The following GBP7 variants were observed in gnomAD, a reference collection of about 807,000 sequenced individuals.
The protein encoded by GBP7 is guanylate-binding protein 7.
In GBP7, 43 loss-of-function variants were observed where a neutral mutation model predicts 61.3. The ratio of observed to expected loss-of-function variants is 0.70; its 90% CI spans 0.55 to 0.91. The LOEUF (loss-of-function observed/expected upper bound fraction) is 0.91. Among genes scored for constraint, GBP7 ranks in the 40% least tolerant of loss-of-function variants. The probability of loss-of-function intolerance (pLI) is 0.00; values close to 1 mark genes in which losing one functional copy is unlikely to be tolerated. For missense variants in GBP7, 717 were observed against 740.5 expected (o/e 0.97, Z 0.37); for synonymous variants, 267 against 271.0 (o/e 0.99, Z 0.14).
chr1:89,135,056 CAG>C (rs1287710945), intron 9 of GBP7, among the ~76,000 whole-genome samples: 3 of 152,038 alleles, frequency 2.0e-5, no homozygotes, highest in African/African-American at 7.2e-5. Flanking sequence ...ATAATACAAT[CAG>C]AGTATTAAAT....
At chr1:89,140,841 A>G (rs1157723077) in intron 9 of GBP7, among the ~76,000 whole-genome samples, 1 of 152,220 alleles carries the variant, frequency 6.6e-6, no homozygotes, top group East Asian at 1.9e-4. Flanking sequence ...AATGTTGTAC[A>G]TATATGCCTT....
At chr1:89,173,396 A>G (rs2100664453) in intron 1 of GBP7, among the ~76,000 whole-genome samples, 1 of 152,304 alleles carries the variant, frequency 6.6e-6, no homozygotes, top group Middle Eastern at 3.4e-3. Context: ...GAGCTTATTC[A>G]AGCTTTTGAC....
At chr1:89,153,962 A>G (rs555123115) in intron 3 of GBP7, among the ~76,000 whole-genome samples, 3 of 152,354 alleles carry the variant, frequency 2.0e-5, no homozygotes, top group Admixed American at 1.3e-4. Flanking sequence ...GGGTATGATC[A>G]TATAATGACA....
Position 89,132,119 on chromosome 1 carries a change from C to G in GBP7, c.*30G>C. On this transcript the variant is annotated 3_prime_UTR_variant, in exon 11 of 11. Coordinates refer to ENST00000294671, the MANE Select transcript of GBP7 (RefSeq NM_207398.3). ...ACACATATACTTTTAAAATGAGCAA[C>G]AGCGTTATACCATTTTAACAAAAGA... The G allele has an allele frequency of 1.9e-6, 3 of 1,546,786 alleles. No individual in the cohort carries two copies. Among genetic ancestry groups the G allele is most frequent in the Non-Finnish European group, 2.6e-6 (3 of 1,146,664 alleles).
intron 1 of GBP7, among the ~76,000 whole-genome samples, chr1:89,174,787 T>C (rs927144165): frequency 6.6e-6 from 1 of 152,226 alleles, no homozygotes; most frequent in South Asian, 2.1e-4. Flanking sequence ...TAACAGATTT[T>C]GAATTCTCTG....
chr1:89,167,406 C>T (rs1399389436), intron 2 of GBP7, among the ~76,000 whole-genome samples: 1 of 152,092 alleles, frequency 6.6e-6, no homozygotes, highest in Admixed American at 6.6e-5. Flanking sequence ...GAACATTGTC[C>T]TTCTGGTGAG....
intron 5 of GBP7, 119 bp downstream of exon 5, chr1:89,152,149 C>T (rs1682215401): frequency 6.2e-6 from 5 of 802,044 alleles, no homozygotes; most frequent in Middle Eastern, 2.5e-4. Context: ...TCACCAACCA[C>T]CATGAGCAAG....
At position 89,152,674 on chromosome 1, in the gene GBP7, T is replaced by C; in HGVS notation, c.422A>G (p.Gln141Arg). The C allele has an allele frequency of 6.2e-7, 1 of 1,612,170 alleles. No individual in the cohort carries two copies. The highest frequency in any genetic ancestry group is 1.3e-5 in the African/African-American group (1 of 74,920). Residue 141 changes from glutamine (Q) to arginine (R), a missense_variant, in exon 4 of 11, where the codon CAG becomes CGG. By Grantham distance (43) the Gln-to-Arg change is conservative (BLOSUM62 1). Transcript: ENST00000294671. ...MGTINHQALE[Q>R]LHYVTELTEL... ...TCACTTCCTGGAAGGATACTGCAGC[T>C]GCTCCAGGGCCTGGTGGTTGATGGT...
At chr1:89,162,176 C>A (rs1647293375) in intron 3 of GBP7, among the ~76,000 whole-genome samples, 1 of 151,940 alleles carries the variant, frequency 6.6e-6, no homozygotes, top group Non-Finnish European at 1.5e-5. Context: ...GTTACTGTAG[C>A]CCTGTAGTAT....
chr1:89,131,881 T>C lies in GBP7; in HGVS notation c.*268A>G. On this transcript the variant is annotated 3_prime_UTR_variant, in exon 11 of 11. Transcript: ENST00000294671. ...ATAACTTAAATTATCTCTGTGACTATAACATTAATTGAAAATAATTTCTTT... is the reference window on the plus strand; with the variant it reads ...ATAACTTAAATTATCTCTGTGACTACAACATTAATTGAAAATAATTTCTTT... The C allele has an allele frequency of 7.3e-6, 2 of 272,274 alleles. No homozygotes were observed. Among genetic ancestry groups the C allele is most frequent in the South Asian group, 1.8e-4 (2 of 10,918 alleles). The allele number at this position is 272,274 out of a possible 1,614,324, so 16.9% of individuals were successfully genotyped here.
chr1:89,165,550 T>A (rs1453891654), intron 2 of GBP7, among the ~76,000 whole-genome samples: 14 of 147,694 alleles, frequency 9.5e-5, no homozygotes, highest in Admixed American at 9.4e-4. Flanking sequence ...TCATGAAGGG[T>A]CATGTCCTCA....
chr1:89,140,464 A>AAAT (rs1681912290), intron 9 of GBP7, among the ~76,000 whole-genome samples: 2 of 151,726 alleles, frequency 1.3e-5, no homozygotes, highest in African/African-American at 2.4e-5. Context: ...AAAACTGAAA[A>AAAT]AAAAAAGAAA....
chr1:89,135,317 T>C (rs1487700732), intron 9 of GBP7, among the ~76,000 whole-genome samples: 2 of 151,998 alleles, frequency 1.3e-5, no homozygotes, highest in East Asian at 3.9e-4. Flanking sequence ...ACTAGAGAGG[T>C]TGACATTCAA....
chr1:89,138,365 C>A (rs1447959161), intron 9 of GBP7, among the ~76,000 whole-genome samples: 1 of 152,130 alleles, frequency 6.6e-6, no homozygotes, highest in East Asian at 1.9e-4. Context: ...CAAGGCACTC[C>A]TAAGCAAAAA....
intron 9 of GBP7, among the ~76,000 whole-genome samples, chr1:89,136,391 A>G (rs1681801406): frequency 2.6e-5 from 4 of 152,172 alleles, no homozygotes; most frequent in Non-Finnish European, 5.9e-5. Context: ...CACATACTCT[A>G]AAATTGACTC....
chr1:89,162,322 T>C (rs1032640954), intron 3 of GBP7, among the ~76,000 whole-genome samples: 7 of 152,224 alleles, frequency 4.6e-5, no homozygotes, highest in African/African-American at 1.7e-4. Context: ...AGAATCTCAA[T>C]GGTAGTTTAA....
chr1:89,174,218 T>C (rs1169416455), intron 1 of GBP7, among the ~76,000 whole-genome samples: 1 of 152,186 alleles, frequency 6.6e-6, no homozygotes, highest in African/African-American at 2.4e-5. Flanking sequence ...TCTGCTAACG[T>C]TATGCATGTG....
Position 89,147,649 on chromosome 1 carries a change from AC to A in GBP7, c.1282del (p.Val428PhefsTer9). 1 of 1,614,192 alleles carries A rather than the reference AC, an allele frequency of 6.2e-7. No individual in the cohort carries two copies. Among genetic ancestry groups the A allele is most frequent in the African/African-American group, 1.3e-5 (1 of 75,060 alleles). ...TESISRGTFFVPGGHNIYLEA... is the reference protein window; with the variant it reads ...TESISRGTFFXPGGHNIYLEA... ...TAAGTAGATATTGTGCCCCCCCGGAACAAAGAAAGTTCCTCTTGAAATACTT... is the reference window on the plus strand; with the variant it reads ...TAAGTAGATATTGTGCCCCCCCGGAAAAAGAAAGTTCCTCTTGAAATACTT... On this transcript the variant is annotated frameshift_variant, in exon 8 of 11. Transcript: ENST00000294671. LOFTEE classifies it high-confidence loss of function.
chr1:89,137,447 C>T (rs541744609), intron 9 of GBP7, among the ~76,000 whole-genome samples: 3 of 152,158 alleles, frequency 2.0e-5, no homozygotes, highest in African/African-American at 4.8e-5. Flanking sequence ...CATTAAAAAG[C>T]GAACCCACCA....
Sources: allele counts gnomAD v4.1 joint callset (sites outside exome capture counted in the v4.1 genomes callset), GRCh38; gene constraint gnomAD v4.1.1; transcripts MANE v1.5; gene names NCBI Gene and HGNC (gene_info 2026-07-23, HGNC 2026-07-21).